The following HDAC8 variants were observed in gnomAD, a reference collection of about 807,000 sequenced individuals.
The protein encoded by HDAC8 is histone deacetylase 8, also known as histone deacetylase-like 1.
A neutral mutation model predicts 32.2 loss-of-function variants in HDAC8; 1 was observed. The observed-to-expected ratio is 0.03, with a 90% CI of 0.01 to 0.15. The LOEUF (loss-of-function observed/expected upper bound fraction) is 0.15. HDAC8 is among the 10% of genes least tolerant of loss of function. The pLI is 1.00. For missense variants in HDAC8, 117 were observed against 300.0 expected (o/e 0.39, Z 4.51); for synonymous variants, 108 against 113.9 (o/e 0.95, Z 0.33).
chrX:72,542,881 T>C (rs1374028819), intron 4 of HDAC8, among the ~76,000 whole-genome samples: 2 of 112,281 alleles, frequency 1.8e-5, no homozygotes, highest in Non-Finnish European at 3.8e-5. Flanking sequence ...AGCAAACACT[T>C]TTTGGTGCTC....
At chrX:72,456,789 A>G (rs782270171) in intron 9 of HDAC8, among the ~76,000 whole-genome samples, 14 of 111,565 alleles carry the variant, frequency 1.3e-4, no homozygotes, top group Non-Finnish European at 2.6e-4. Flanking sequence ...ACACAGCAAG[A>G]TTCTGTCTCA....
intron 9 of HDAC8, among the ~76,000 whole-genome samples, chrX:72,363,290 G>C (rs2044604449): frequency 8.9e-6 from 1 of 112,161 alleles, no homozygotes; most frequent in Non-Finnish European, 1.9e-5. Context: ...TACACACGAA[G>C]GTTTTTTACA....
chrX:72,523,939 A>G (rs2050057105), intron 4 of HDAC8, among the ~76,000 whole-genome samples: 1 of 111,673 alleles, frequency 9.0e-6, no homozygotes, highest in South Asian at 3.8e-4. Context: ...AGGTAGGACT[A>G]TATTCTGTAT....
chrX:72,420,511 C>A (rs782481010), intron 9 of HDAC8, among the ~76,000 whole-genome samples: 8 of 112,044 alleles, frequency 7.1e-5, no homozygotes, highest in Middle Eastern at 9.3e-3. Context: ...CAGTCTAGCT[C>A]AAGGTTTGTC....
At chrX:72,502,691 G>A (rs1300275324) in intron 4 of HDAC8, among the ~76,000 whole-genome samples, 1 of 110,778 alleles carries the variant, frequency 9.0e-6, no homozygotes, top group African/African-American at 3.3e-5. Flanking sequence ...GGGAGGCTGA[G>A]GCGGGCGGAT....
chrX:72,338,469 T>C (rs782448345), intron 10 of HDAC8, among the ~76,000 whole-genome samples: 2 of 109,132 alleles, frequency 1.8e-5, no homozygotes, highest in Non-Finnish European at 1.9e-5. Flanking sequence ...CACAGCAGTT[T>C]GGAGGGATGC....
rs146626429 is a variant in HDAC8 at position 72,419,524 on chromosome X, A to G, written c.1005+42480T>C. 4.5e-3 allele frequency among the ~76,000 whole-genome samples: 508 copies of G among 111,864 alleles called. 1 individual carries two copies. The highest frequency in any genetic ancestry group is 0.016 in the African/African-American group (493 of 30,954). ...TCAAAGTTTAAAATGTTTGTGCTAT[A>G]AAAGACATATCAAGAAAACGAAAAG... On this transcript the variant is annotated intron_variant, in intron 9 of 10. Transcript: ENST00000373573.
chrX:72,417,532 A>G, intron 9 of HDAC8, among the ~76,000 whole-genome samples: 1 of 111,816 alleles, frequency 8.9e-6, no homozygotes, highest in Admixed American at 9.5e-5. Context: ...AGATTTCTAC[A>G]ATGAGAATTA....
At chrX:72,494,059 C>G (rs1270199120) in intron 5 of HDAC8, among the ~76,000 whole-genome samples, 1 of 111,870 alleles carries the variant, frequency 8.9e-6, no homozygotes, top group African/African-American at 3.2e-5. Flanking sequence ...AATGCTACCC[C>G]TTGTTATAGG....
At position 72,387,447 on chromosome X, in the gene HDAC8, C is replaced by T. The variant is rs1398089532; in HGVS notation, c.1006-35609G>A. Reference sequence around the variant, plus strand: ...TTTAGTAGAGTAATTCCCTCACTCCCTGCCGTCATCATCAAAGCAGCTCCC... The same window carrying T: ...TTTAGTAGAGTAATTCCCTCACTCCTTGCCGTCATCATCAAAGCAGCTCCC... On this transcript the variant is annotated intron_variant, in intron 9 of 10. Transcript: ENST00000373573. Among the ~76,000 whole-genome samples, 4 of 111,779 alleles carry T rather than the reference C, an allele frequency of 3.6e-5. No homozygotes were observed. In the Admixed American group the frequency reaches 3.8e-4, roughly 11 times the overall value.
At chrX:72,568,508 C>G (rs1238974970) in intron 3 of HDAC8, among the ~76,000 whole-genome samples, 1 of 112,356 alleles carries the variant, frequency 8.9e-6, no homozygotes, top group Non-Finnish European at 1.9e-5. Flanking sequence ...ATATACACAG[C>G]CAGACCAGAT....
At chrX:72,547,518 C>T (rs1199819799) in intron 4 of HDAC8, among the ~76,000 whole-genome samples, 1 of 110,151 alleles carries the variant, frequency 9.1e-6, no homozygotes, top group African/African-American at 3.3e-5. Flanking sequence ...TCTCCAGTTC[C>T]AGCTTCTACT....
At chrX:72,555,971 G>A (rs558814957) in intron 4 of HDAC8, among the ~76,000 whole-genome samples, 2 of 112,238 alleles carry the variant, frequency 1.8e-5, no homozygotes, top group Admixed American at 1.9e-4. Context: ...CTAAAGTCAA[G>A]ACGACGGAAA....
At chrX:72,350,188 T>C (rs188469716) in intron 10 of HDAC8, among the ~76,000 whole-genome samples, 78 of 111,163 alleles carry the variant, frequency 7.0e-4, no homozygotes, top group Non-Finnish European at 6.6e-4. Flanking sequence ...CAGTAGCCAC[T>C]GAGAGGTGAG....
At chrX:72,459,612 C>T (rs1289761051) in intron 9 of HDAC8, among the ~76,000 whole-genome samples, 1 of 111,229 alleles carries the variant, frequency 9.0e-6, no homozygotes, top group Non-Finnish European at 1.9e-5. Context: ...ATATTTGATG[C>T]ACATCTCCAC....
At chrX:72,350,807 G>A (rs1478196088) in intron 10 of HDAC8, among the ~76,000 whole-genome samples, 1 of 111,992 alleles carries the variant, frequency 8.9e-6, no homozygotes, top group Non-Finnish European at 1.9e-5. Context: ...GGAGGGAAAT[G>A]CCCTGATGGC....
At chrX:72,339,174 G>A (rs1202613634) in intron 10 of HDAC8, among the ~76,000 whole-genome samples, 1 of 111,479 alleles carries the variant, frequency 9.0e-6, no homozygotes, top group Non-Finnish European at 1.9e-5. Flanking sequence ...TGGTATCTGA[G>A]AATCTTAGAT....
intron 4 of HDAC8, among the ~76,000 whole-genome samples, chrX:72,539,570 C>T (rs2050640030): frequency 9.0e-6 from 1 of 111,273 alleles, no homozygotes; most frequent in African/African-American, 3.3e-5. Context: ...AAATCTAAAA[C>T]CATTCTTAAA....
chrX:72,497,198 A>T (rs7885100), intron 4 of HDAC8, among the ~76,000 whole-genome samples: 9,279 of 111,101 alleles, frequency 0.084, 884 homozygotes, highest in African/African-American at 0.28. Flanking sequence ...ATGATGACGA[A>T]GATGATGTCT....
Sources: allele counts gnomAD v4.1 joint callset (sites outside exome capture counted in the v4.1 genomes callset), GRCh38; gene constraint gnomAD v4.1.1; transcripts MANE v1.5; gene names NCBI Gene and HGNC (gene_info 2026-07-23, HGNC 2026-07-21).